CNGB1: variants seen among roughly 807,000 people sequenced by gnomAD.
CNGB1 encodes cyclic nucleotide gated channel subunit beta 1, also known as cyclic nucleotide-gated channel beta-1.
Under a neutral mutation model 151.7 loss-of-function variants are expected in CNGB1, and 126 were observed. The ratio of observed to expected loss-of-function variants is 0.83; its 90% CI spans 0.72 to 0.96. CNGB1 has a LOEUF of 0.96. Ranked by LOEUF, CNGB1 falls within the 40% of genes least tolerant of loss-of-function variation. The pLI is 0.00. For missense variants in CNGB1, 1,698 were observed against 1,627.0 expected (o/e 1.04, Z -0.75); for synonymous variants, 623 against 635.1 (o/e 0.98, Z 0.29).
chr16:57,890,226 T>G (rs1960050711), intron 31 of CNGB1, among the ~76,000 whole-genome samples: 1 of 152,238 alleles, frequency 6.6e-6, no homozygotes, highest in East Asian at 1.9e-4. Context: ...TACTGGCTGC[T>G]TATCTAATCA....
chr16:57,901,371 T>A lies in CNGB1; in HGVS notation c.2957A>T (p.Asn986Ile), dbSNP rs201162411. The change falls in exon 29 of 33, where the codon AAC (asparagine) becomes ATC (isoleucine). Residue 986 changes from asparagine to isoleucine, a missense_variant. By Grantham distance (149) the Asn-to-Ile change is moderately radical. Transcript: ENST00000251102. ...GCTCACCTTCTTGCACACATAGTCG[T>A]TGGGCAGGTAGACAACAGAGCGAAG... is the stretch of plus-strand genomic sequence containing the variant. ...KRLRSVVYLP[N>I]DYVCKKGEIG... 1.2e-3 allele frequency: 1,902 copies of A among 1,614,166 alleles called. 4 individuals carry two copies. The highest frequency in any genetic ancestry group is 3.0e-3 in the Middle Eastern group (18 of 6,058).
At chr16:57,912,843 CAT>C in intron 24 of CNGB1, 85 bp downstream of exon 24, 1 of 1,314,994 alleles carries the variant, frequency 7.6e-7, no homozygotes, top group East Asian at 2.3e-5. Context: ...GTGTGTGTGT[CAT>C]CTGTGTTGTG....
intron 26 of CNGB1, among the ~76,000 whole-genome samples, chr16:57,904,226 C>T (rs1174726501): frequency 2.0e-5 from 3 of 152,072 alleles, no homozygotes; most frequent in African/African-American, 4.8e-5. Context: ...GCCTCAGGTC[C>T]CTGGGACCAC....
chr16:57,905,006 C>A, intron 25 of CNGB1, 131 bp from the exon 26 acceptor site: 1 of 1,127,696 alleles, frequency 8.9e-7, no homozygotes, highest in Admixed American at 2.0e-5. Context: ...CTCATCTATG[C>A]AAGGAAAACC....
At chr16:57,922,649 G>A (rs1373439773) in intron 18 of CNGB1, among the ~76,000 whole-genome samples, 4 of 151,622 alleles carry the variant, frequency 2.6e-5, no homozygotes, top group Admixed American at 6.6e-5. Context: ...GGCTAGTCTC[G>A]AACTCCTGAC....
chr16:57,894,316 T>C (rs1474613423), intron 31 of CNGB1, among the ~76,000 whole-genome samples: 1 of 152,144 alleles, frequency 6.6e-6, no homozygotes, highest in African/African-American at 2.4e-5. Flanking sequence ...AAGAAAATGT[T>C]TGGGCTGGGT....
rs769533811 is a variant in CNGB1, at chr16:57,949,385, C to CTCTTCCTCTTCCTCCTCCTCA, written c.1068_1088dup (p.Asp356_Glu362dup). The stretch of plus-strand genomic sequence containing the variant: ...CCTCCTCCTCTTCCTCCTCCTCCTC[C>CTCTTCCTCTTCCTCCTCCTCA]TCTTCCTCTTCCTCCTCCTCATCTT... On this transcript the variant is annotated inframe_insertion, in exon 14 of 33. Transcript: ENST00000251102. 1.9e-6 allele frequency: 3 copies of CTCTTCCTCTTCCTCCTCCTCA among 1,612,296 alleles called. No homozygotes were observed. In the African/African-American group the frequency reaches 4.0e-5, roughly 22 times the overall value.
intron 12 of CNGB1, 73 bp from the exon 13 acceptor site, chr16:57,950,613 G>A (rs777745862): frequency 3.2e-6 from 5 of 1,544,838 alleles, no homozygotes; most frequent in Non-Finnish European, 4.5e-6. Context: ...GTCCCAGGGA[G>A]CCTGCAGGGA....
intron 14 of CNGB1, 21 bp from the exon 15 acceptor site, chr16:57,940,342 G>C: frequency 6.4e-7 from 1 of 1,560,926 alleles, no homozygotes; most frequent in Non-Finnish European, 8.7e-7. Flanking sequence ...GGGCGGGGTG[G>C]GGAGGATAAA....
chr16:57,952,829 G>T (rs762494633), intron 12 of CNGB1, among the ~76,000 whole-genome samples: 21 of 152,080 alleles, frequency 1.4e-4, no homozygotes, highest in Non-Finnish European at 2.2e-4. Context: ...TCCGCAGCAG[G>T]CCTGCAAGAT....
At chr16:57,929,131 C>T (rs570362952) in intron 17 of CNGB1, among the ~76,000 whole-genome samples, 3 of 152,170 alleles carry the variant, frequency 2.0e-5, no homozygotes, top group Non-Finnish European at 4.4e-5. Context: ...GAAACTCCTA[C>T]ACCTCAATAT....
intron 8 of CNGB1, 39 bp downstream of exon 8, chr16:57,960,801 C>T (rs765248752): frequency 6.2e-7 from 1 of 1,600,234 alleles, no homozygotes; most frequent in Non-Finnish European, 8.5e-7. Flanking sequence ...GAAGCCCCCC[C>T]ATATACTCAA....
rs1311312611 is a variant in CNGB1 at position 57,898,060 on chromosome 16, G to T, written c.2977-146C>A. On this transcript the variant is annotated intron_variant, in intron 29 of 32. Coordinates refer to ENST00000251102, the MANE Select transcript of CNGB1 (RefSeq NM_001297.5). ...CTGCCACCACAACTTGGGGTGTCGT[G>T]TGGGGGCAGTCACTTCCCTCTCAGG... The T allele has an allele frequency of 1.5e-5, 12 of 795,808 alleles. No individual in the cohort carries two copies. In the African/African-American group the frequency reaches 2.0e-4, roughly 13 times the overall value. 49.3% of individuals were successfully genotyped at this position (795,808 alleles called of 1,614,324 possible).
chr16:57,884,188 C>T lies in CNGB1; in HGVS notation c.3732G>A (p.Glu1244=). Residue 1244 remains glutamate (E), a synonymous_variant, in exon 33 of 33, where the codon GAG becomes GAA. Coordinates refer to ENST00000251102, the MANE Select transcript of CNGB1 (RefSeq NM_001297.5). The stretch of plus-strand genomic sequence containing the variant: ...CTTACTCCGCCTTCTCCTCCCTTTC[C>T]TCCGGCATCTTCACCGACAGGATCT... ...GEQILSVKMP[E]EREEKAE 1 of 1,614,068 alleles carries T rather than the reference C, an allele frequency of 6.2e-7. No homozygotes were observed. The highest frequency in any genetic ancestry group is 1.1e-5 in the South Asian group (1 of 91,090).
chr16:57,936,417 A>G (rs1961509613), intron 16 of CNGB1, among the ~76,000 whole-genome samples: 1 of 152,216 alleles, frequency 6.6e-6, no homozygotes, highest in Admixed American at 6.5e-5. Context: ...TGAGCAAGTG[A>G]CTTGTTTAAA....
chr16:57,908,583 T>C (rs561695981), intron 25 of CNGB1, among the ~76,000 whole-genome samples: 1 of 152,292 alleles, frequency 6.6e-6, no homozygotes, highest in South Asian at 2.1e-4. Context: ...TTCTTTAGGG[T>C]GGGAGTCCCA....
At chr16:57,916,318 G>T in intron 21 of CNGB1, 139 bp from the exon 22 acceptor site, 1 of 865,628 alleles carries the variant, frequency 1.2e-6, no homozygotes, top group Non-Finnish European at 1.9e-6. Context: ...CTTGGTGAAA[G>T]CCTTGAGTTT....
At chr16:57,963,809 C>T in intron 4 of CNGB1, 1 of 397,028 alleles carries the variant, frequency 2.5e-6, no homozygotes, top group South Asian at 3.3e-5. Context: ...AAGGGGCTAA[C>T]AGTCTAATGA....
rs368962905 is a variant in CNGB1 at position 57,887,847 on chromosome 16, C to T, written c.3462+8G>A. 2.7e-5 allele frequency: 44 copies of T among 1,613,654 alleles called. No individual in the cohort carries two copies. Among genetic ancestry groups the T allele is most frequent in the Non-Finnish European group, 3.5e-5 (41 of 1,179,906 alleles). Reference sequence around the variant, plus strand: ...TGAACGTGGTGGCTGGGTTCCCAACCACATTACCTGTTCCACCAACTCTTG... The same window carrying T: ...TGAACGTGGTGGCTGGGTTCCCAACTACATTACCTGTTCCACCAACTCTTG... On this transcript the variant is annotated splice_region_variant and intron_variant, in intron 32 of 32. Transcript: ENST00000251102.
Sources: gnomAD v4.1 joint callset for allele counts (sites outside exome capture counted in the v4.1 genomes callset) on GRCh38, gnomAD v4.1.1 for gene constraint, MANE v1.5 for transcripts, NCBI Gene and HGNC (gene_info 2026-07-23, HGNC 2026-07-21) for gene names.